The following DIPK1A variants were observed in gnomAD, a reference collection of about 807,000 sequenced individuals.
The protein encoded by DIPK1A is divergent protein kinase domain 1A.
Under a neutral mutation model 40.8 loss-of-function variants are expected in DIPK1A, and 27 were observed. That is an observed-to-expected ratio of 0.66 (90% CI 0.49 to 0.91). The LOEUF (loss-of-function observed/expected upper bound fraction) is 0.91, where lower values mean the gene tolerates loss of function less well. Ranked by LOEUF, DIPK1A falls within the 40% of genes least tolerant of loss-of-function variation. The pLI is 0.00. For missense variants in DIPK1A, 412 were observed against 505.7 expected (o/e 0.81, Z 1.78); for synonymous variants, 166 against 171.3 (o/e 0.97, Z 0.24).
intron 2 of DIPK1A, among the ~76,000 whole-genome samples, chr1:92,859,510 T>C (rs1490324190): frequency 3.3e-5 from 5 of 152,108 alleles, no homozygotes; most frequent in African/African-American, 1.2e-4. Flanking sequence ...GTTTAATATA[T>C]GTGTGTAAGT....
At position 92,935,476 on chromosome 1, in the gene DIPK1A, G is replaced by A. The variant is rs143783921; in HGVS notation, c.54+25900C>T. ...AATTCTGAATCTTTAAACTTGGGGA[G>A]ATTCTTTAAAAATTACGGCTCAATA... On this transcript the variant is annotated intron_variant, in intron 1 of 4. Transcript: ENST00000370310. Among the ~76,000 whole-genome samples, 3 of 152,236 alleles carry A rather than the reference G, an allele frequency of 2.0e-5. No individual in the cohort carries two copies. The East Asian group carries it at 5.8e-4, about 29-fold the overall frequency.
chr1:92,937,679 A>G (rs1211959909), intron 1 of DIPK1A, among the ~76,000 whole-genome samples: 2 of 148,794 alleles, frequency 1.3e-5, no homozygotes, highest in African/African-American at 5.0e-5. Context: ...AAATACATGT[A>G]TCTTTAACTG....
At chr1:92,961,054 C>T (rs994971274) in intron 1 of DIPK1A, among the ~76,000 whole-genome samples, 1 of 152,142 alleles carries the variant, frequency 6.6e-6, no homozygotes, top group Non-Finnish European at 1.5e-5. Flanking sequence ...GGGCTGCGGG[C>T]AATGCCCGGA....
chr1:92,867,913 G>A (rs1381234949), intron 2 of DIPK1A, among the ~76,000 whole-genome samples: 2 of 152,126 alleles, frequency 1.3e-5, no homozygotes, highest in Non-Finnish European at 2.9e-5. Flanking sequence ...CAATCTTCCA[G>A]GAAATTTTTG....
At chr1:92,868,425 T>A (rs1027367375) in intron 2 of DIPK1A, among the ~76,000 whole-genome samples, 1 of 152,234 alleles carries the variant, frequency 6.6e-6, no homozygotes, top group Non-Finnish European at 1.5e-5. Flanking sequence ...CTTTGGGCAT[T>A]TGCATTCACT....
chr1:92,870,491 G>C (rs1010088908), intron 2 of DIPK1A, among the ~76,000 whole-genome samples: 1 of 152,194 alleles, frequency 6.6e-6, no homozygotes, highest in African/African-American at 2.4e-5. Context: ...CTCCCAAAAT[G>C]CTGGGATTAC....
chr1:92,884,940 G>A (rs547516317), intron 1 of DIPK1A, among the ~76,000 whole-genome samples: 1 of 152,020 alleles, frequency 6.6e-6, no homozygotes, highest in Non-Finnish European at 1.5e-5. Context: ...TACTGTAAAG[G>A]GTTTTAAAAA....
chr1:92,834,350 T>G (rs1430879348), intron 4 of DIPK1A, among the ~76,000 whole-genome samples: 1 of 152,236 alleles, frequency 6.6e-6, no homozygotes, highest in Non-Finnish European at 1.5e-5. Flanking sequence ...TTTGCTCTTG[T>G]ACTAAGAGCA....
At chr1:92,922,406 A>G (rs1650305097) in intron 1 of DIPK1A, among the ~76,000 whole-genome samples, 1 of 150,548 alleles carries the variant, frequency 6.6e-6, no homozygotes, top group Non-Finnish European at 1.5e-5. Context: ...ATAATGCCTC[A>G]GGGAGAGGGT....
chr1:92,903,087 C>T (rs1649483148), intron 1 of DIPK1A, among the ~76,000 whole-genome samples: 3 of 152,164 alleles, frequency 2.0e-5, no homozygotes, highest in African/African-American at 7.2e-5. Context: ...CAGGATCTCA[C>T]TCTATTGCCC....
chr1:92,959,149 G>T (rs1651958772), intron 1 of DIPK1A, among the ~76,000 whole-genome samples: 1 of 152,030 alleles, frequency 6.6e-6, no homozygotes, highest in African/African-American at 2.4e-5. Context: ...AGCTGGGCAT[G>T]GTGGTGTGCG....
chr1:92,838,224 T>C (rs1461684532), downstream of DIPK1A, among the ~76,000 whole-genome samples: 4 of 152,248 alleles, frequency 2.6e-5, no homozygotes, highest in African/African-American at 2.4e-5. Context: ...CTTTCTGTTA[T>C]TTCTATGCTT....
intron 1 of DIPK1A, among the ~76,000 whole-genome samples, chr1:92,912,544 C>T (rs1649873005): frequency 6.6e-6 from 1 of 152,034 alleles, no homozygotes; most frequent in African/African-American, 2.4e-5. Context: ...TTTCAAAATA[C>T]TATAGAATGT....
At chr1:92,958,802 T>C (rs1051157318) in intron 1 of DIPK1A, among the ~76,000 whole-genome samples, 2 of 152,186 alleles carry the variant, frequency 1.3e-5, no homozygotes, top group African/African-American at 4.8e-5. Context: ...ACTCACTCCA[T>C]GGCAAATCAA....
At chr1:92,857,007 T>C (rs1168034409) in intron 2 of DIPK1A, among the ~76,000 whole-genome samples, 2 of 152,208 alleles carry the variant, frequency 1.3e-5, no homozygotes, top group Non-Finnish European at 2.9e-5. Flanking sequence ...ATCAACATAA[T>C]GTGAAATAGA....
intron 2 of DIPK1A, among the ~76,000 whole-genome samples, chr1:92,857,933 C>G (rs967632625): frequency 6.6e-6 from 1 of 152,178 alleles, no homozygotes; most frequent in Non-Finnish European, 1.5e-5. Context: ...TCAGATACCC[C>G]TCCCGAGTGC....
At chr1:92,876,201 C>G in intron 2 of DIPK1A, 95 bp downstream of exon 2, 1 of 809,932 alleles carries the variant, frequency 1.2e-6, no homozygotes, top group East Asian at 3.3e-5. Flanking sequence ...GTCAAATTAA[C>G]TTTTATTTTT....
chr1:92,846,827 A>G lies in DIPK1A; in HGVS notation c.474+356T>C, dbSNP rs866041749. 3.0e-3 allele frequency among the ~76,000 whole-genome samples: 19 copies of G among 6,336 alleles called. 3 individuals carry two copies. The highest frequency in any genetic ancestry group is 0.019 in the South Asian group (1 of 52). The allele number at this position is 6,336 out of a possible 152,430, so 4.2% of individuals were successfully genotyped here. The stretch of plus-strand genomic sequence containing the variant: ...TATATATATATATATATATATATAT[A>G]TATATATATATATATGTGTGTATAT... On this transcript the variant is annotated intron_variant, in intron 4 of 4. Coordinates refer to ENST00000370310, the MANE Select transcript of DIPK1A (RefSeq NM_001006605.5).
chr1:92,904,889 G>GT (rs1649551661), intron 1 of DIPK1A, among the ~76,000 whole-genome samples: 1 of 152,082 alleles, frequency 6.6e-6, no homozygotes, highest in Non-Finnish European at 1.5e-5. Flanking sequence ...TCACAAATAA[G>GT]TGAGAACATG....
Sources: gnomAD v4.1 joint callset for allele counts (sites outside exome capture counted in the v4.1 genomes callset) on GRCh38, gnomAD v4.1.1 for gene constraint, MANE v1.5 for transcripts, NCBI Gene and HGNC (gene_info 2026-07-23, HGNC 2026-07-21) for gene names.